The following NALF1 variants were observed in gnomAD, a reference collection of about 807,000 sequenced individuals.
NALF1 encodes the protein NALCN channel auxiliary factor 1.
Under a neutral mutation model 48.4 loss-of-function variants are expected in NALF1, and 3 were observed. The observed-to-expected ratio is 0.06, with a 90% CI of 0.03 to 0.16. The LOEUF (loss-of-function observed/expected upper bound fraction) is 0.16, where lower values mean the gene tolerates loss of function less well. NALF1 is among the 10% of genes least tolerant of loss of function. NALF1 has a pLI of 1.00. For synonymous variants in NALF1, 262 were observed against 245.7 expected (o/e 1.07, Z -0.62); for missense variants, 526 against 571.5 (o/e 0.92, Z 0.81).
At chr13:107,461,602 T>G (rs964835157) in intron 1 of NALF1, among the ~76,000 whole-genome samples, 4 of 152,204 alleles carry the variant, frequency 2.6e-5, no homozygotes, top group Non-Finnish European at 4.4e-5. Flanking sequence ...TGTTTTCAAT[T>G]AGGTCAAAAA....
rs572166884 is a variant in NALF1, at chr13:107,172,217, C to T, written c.1088-1431G>A. On this transcript the variant is annotated intron_variant, in intron 2 of 2. Transcript: ENST00000375915. ...TCCCTGTATGAAGCTTGTACTCATACCCCTGGGCTATTAGCATTTTGCTTA... is the reference window on the plus strand; with the variant it reads ...TCCCTGTATGAAGCTTGTACTCATATCCCTGGGCTATTAGCATTTTGCTTA... 2.6e-5 allele frequency among the ~76,000 whole-genome samples: 4 copies of T among 152,180 alleles called. No homozygotes were observed. The South Asian group carries it at 6.2e-4, about 24-fold the overall frequency.
chr13:107,334,722 A>T (rs544317992), intron 1 of NALF1, among the ~76,000 whole-genome samples: 29 of 152,326 alleles, frequency 1.9e-4, no homozygotes, highest in Non-Finnish European at 3.2e-4. Context: ...AAGATTTTTT[A>T]AAAAACGTTT....
intron 1 of NALF1, among the ~76,000 whole-genome samples, chr13:107,621,441 G>T (rs190118889): frequency 5.6e-4 from 85 of 152,242 alleles, no homozygotes; most frequent in Admixed American, 2.4e-3. Flanking sequence ...CTTTAGCTAG[G>T]TTGGATGGAC....
chr13:107,568,372 T>A (rs977575962), intron 1 of NALF1, among the ~76,000 whole-genome samples: 2 of 152,344 alleles, frequency 1.3e-5, no homozygotes, highest in South Asian at 4.1e-4. Context: ...TTTGAATCAT[T>A]TCCTGTTAGG....
intron 1 of NALF1, among the ~76,000 whole-genome samples, chr13:107,385,552 C>CA (rs201307018): frequency 0.062 from 7,263 of 116,522 alleles, 723 homozygotes; most frequent in East Asian, 0.17. Flanking sequence ...GATTCCATCT[C>CA]AAAAAAAAAA....
chr13:107,807,952 GA>G (rs1172912857), intron 1 of NALF1, among the ~76,000 whole-genome samples: 2 of 152,050 alleles, frequency 1.3e-5, no homozygotes, highest in Non-Finnish European at 2.9e-5. Flanking sequence ...GACTATAAAA[GA>G]AAATTATATT....
intron 1 of NALF1, among the ~76,000 whole-genome samples, chr13:107,477,868 G>A (rs1349016695): frequency 8.6e-5 from 13 of 151,920 alleles, no homozygotes; most frequent in Admixed American, 7.2e-4. Context: ...CCATTCCTTC[G>A]AAAAGTAATC....
rs1880755387 is a variant in NALF1, at chr13:107,866,919, AG to A, written c.-324del. Reference sequence around the variant, plus strand: ...ATAATGGAGAGAGAGAGAGAGAGAGAGACGGAGGAGGCTGGTGCTGGTGGCC... The same window carrying A: ...ATAATGGAGAGAGAGAGAGAGAGAGAACGGAGGAGGCTGGTGCTGGTGGCC... On this transcript the variant is annotated 5_prime_UTR_variant, in exon 1 of 3. Transcript: ENST00000375915. The surrounding 1 kb of genome is among the most constrained non-coding windows in gnomAD (Gnocchi z 4.4). Among the ~76,000 whole-genome samples, 1 of 151,966 alleles carries A rather than the reference AG, an allele frequency of 6.6e-6. No individual in the cohort carries two copies.
At chr13:107,570,636 A>G (rs962808542) in intron 1 of NALF1, among the ~76,000 whole-genome samples, 5 of 150,816 alleles carry the variant, frequency 3.3e-5, no homozygotes, top group Non-Finnish European at 3.0e-5. Context: ...TGTGCAGGTT[A>G]GTTACATATG....
intron 1 of NALF1, among the ~76,000 whole-genome samples, chr13:107,474,246 G>C (rs1885145167): frequency 6.6e-6 from 1 of 152,130 alleles, no homozygotes; most frequent in Admixed American, 6.5e-5. Context: ...CCCTTTTCAA[G>C]GGTATAAACT....
intron 1 of NALF1, among the ~76,000 whole-genome samples, chr13:107,735,837 G>A (rs939571018): frequency 1.3e-5 from 2 of 152,110 alleles, no homozygotes; most frequent in African/African-American, 4.8e-5. Context: ...GCTTTGGCCT[G>A]CAAATTACAT....
At chr13:107,624,220 C>A (rs1219291707) in intron 1 of NALF1, among the ~76,000 whole-genome samples, 1 of 152,004 alleles carries the variant, frequency 6.6e-6, no homozygotes, top group African/African-American at 2.4e-5. Flanking sequence ...GAGTATTCGC[C>A]GTTCTTCTGA....
chr13:107,279,043 C>CTTTTTTTTTTTTT (rs200133690), intron 1 of NALF1, among the ~76,000 whole-genome samples: 2 of 122,940 alleles, frequency 1.6e-5, no homozygotes, highest in African/African-American at 3.1e-5. Flanking sequence ...TTCTTTTCTT[C>CTTTTTTTTTTTTT]TTTTTTTTTT....
At chr13:107,234,873 C>T (rs1049436990) in intron 1 of NALF1, among the ~76,000 whole-genome samples, 1 of 152,182 alleles carries the variant, frequency 6.6e-6, no homozygotes, top group African/African-American at 2.4e-5. Context: ...AGAATCCCTT[C>T]CTAACATTTC....
intron 1 of NALF1, among the ~76,000 whole-genome samples, chr13:107,830,707 A>C (rs981822247): frequency 4.6e-5 from 7 of 151,880 alleles, no homozygotes; most frequent in African/African-American, 1.2e-4. Context: ...TCTCCGTGTG[A>C]TCTCACCCCT....
chr13:107,528,997 C>T (rs181406650), intron 1 of NALF1, among the ~76,000 whole-genome samples: 11 of 152,268 alleles, frequency 7.2e-5, no homozygotes, highest in African/African-American at 2.6e-4. Context: ...GCTAACCCTG[C>T]TTATTTTCCA....
At chr13:107,264,387 G>C (rs1880999875) in intron 1 of NALF1, among the ~76,000 whole-genome samples, 1 of 152,064 alleles carries the variant, frequency 6.6e-6, no homozygotes, top group African/African-American at 2.4e-5. Context: ...ATGAGGTGAG[G>C]GAATATGGGT....
At chr13:107,375,546 G>A (rs987985633) in intron 1 of NALF1, among the ~76,000 whole-genome samples, 5 of 151,018 alleles carry the variant, frequency 3.3e-5, no homozygotes, top group African/African-American at 4.9e-5. Flanking sequence ...CTGCTGCTCC[G>A]TGTAATAATA....
At chr13:107,295,826 A>C (rs1035899874) in intron 1 of NALF1, among the ~76,000 whole-genome samples, 2 of 152,128 alleles carry the variant, frequency 1.3e-5, no homozygotes, top group Non-Finnish European at 2.9e-5. Context: ...CATCTGTCAA[A>C]ATCTGATTAT....
Sources: allele counts gnomAD v4.1 joint callset (sites outside exome capture counted in the v4.1 genomes callset), GRCh38; gene constraint gnomAD v4.1.1; non-coding constraint Gnocchi (gnomAD v3.1); transcripts MANE v1.5; gene names NCBI Gene and HGNC (gene_info 2026-07-23, HGNC 2026-07-21).